The following SPTBN5 variants were observed in gnomAD, a reference collection of about 807,000 sequenced individuals.
SPTBN5 encodes the protein spectrin beta, non-erythrocytic 5, also known as spectrin beta chain, non-erythrocytic 5.
Under a neutral mutation model 477.6 loss-of-function variants are expected in SPTBN5, and 513 were observed. The observed-to-expected ratio is 1.07, with a 90% confidence interval of 1.00 to 1.16. SPTBN5 has a LOEUF of 1.16. SPTBN5 is among the 50% of genes most tolerant of loss of function. The pLI is 0.00. For synonymous variants in SPTBN5, 2,169 were observed against 2,011.7 expected (o/e 1.08, Z -2.09); for missense variants, 5,062 against 4,731.8 (o/e 1.07, Z -2.05).
intron 38 of SPTBN5, 44 bp downstream of exon 38, chr15:41,865,994 G>A (rs2066294046): frequency 1.3e-6 from 2 of 1,546,924 alleles, no homozygotes; most frequent in Non-Finnish European, 1.7e-6. Flanking sequence ...TCAAGGGAGG[G>A]CTCCTCCCCC....
rs78623039 is a variant in SPTBN5, at chr15:41,863,773, G to A, written c.7080C>T (p.Leu2360=). The A allele has an allele frequency of 8.1e-4, 1,312 of 1,613,774 alleles. 10 individuals are homozygous for A. In the African/African-American group the frequency reaches 0.015, roughly 19 times the overall value. Residue 2360 remains leucine, a synonymous_variant, in exon 41 of 68, where the codon CTC becomes CTT. Transcript: ENST00000320955. The part of the protein sequence containing the change: ...HGNLLRYQQQ[L]EGALEIHVLS... ...ACACGTGTATCTCCAAGGCCCCTTC[G>A]AGCTGCTGCTGGTACCGGAGCAAGT...
chr15:41,888,718 C>T (rs2067227408), intron 4 of SPTBN5, among the ~76,000 whole-genome samples: 1 of 152,238 alleles, frequency 6.6e-6, no homozygotes, highest in South Asian at 2.1e-4. Context: ...GCCTTGGCCT[C>T]CCAAAGTGCT....
At chr15:41,873,639 G>A in intron 25 of SPTBN5, 31 bp from the exon 26 acceptor site, 1 of 1,531,024 alleles carries the variant, frequency 6.5e-7, no homozygotes, top group Non-Finnish European at 8.8e-7. Flanking sequence ...TCACCTGGAG[G>A]ATCTCAGACA....
chr15:41,859,029 T>G, intron 47 of SPTBN5, 49 bp from the exon 48 acceptor site: 1 of 1,421,816 alleles, frequency 7.0e-7, no homozygotes, highest in Non-Finnish European at 9.3e-7. Context: ...CGGGGCCAGG[T>G]GGGGTGCCCG....
Position 41,867,090 on chromosome 15 carries a change from G to A in SPTBN5, c.6349C>T (p.Arg2117Cys), listed in dbSNP as rs539807260. ...GGAAGCCGGTCCCGCACCCGGGGGCGCCGGAGCGTCTTCAGCCGCTCACGC... is the reference window on the plus strand; with the variant it reads ...GGAAGCCGGTCCCGCACCCGGGGGCACCGGAGCGTCTTCAGCCGCTCACGC... ...ALRERLKTLR[R>C]PRVRDRLPIL... Residue 2117 changes from arginine to cysteine, a missense_variant, in exon 36 of 68, where the codon CGC (arginine) becomes TGC (cysteine). Transcript: ENST00000320955. The A allele has an allele frequency of 1.7e-4, 258 of 1,544,528 alleles. 2 individuals carry two copies. The South Asian group carries it at 2.6e-3, about 16-fold the overall frequency.
Position 41,868,386 on chromosome 15 carries a change from G to GCT in SPTBN5, c.6057+11_6057+12insAG. 1.3e-6 allele frequency: 2 copies of GCT among 1,595,128 alleles called. No homozygotes were observed. The highest frequency in any genetic ancestry group is 1.7e-6 in the Non-Finnish European group (2 of 1,169,546). On this transcript the variant is annotated intron_variant, in intron 33 of 67. Coordinates refer to ENST00000320955, the MANE Select transcript of SPTBN5 (RefSeq NM_016642.4). ...GCTAGGGTATGTGGGGGCACCAGGGGAGGGGGCCCACCTCCTTGGTGGGTG... is the reference window on the plus strand; with the variant it reads ...GCTAGGGTATGTGGGGGCACCAGGGGCTAGGGGGCCCACCTCCTTGGTGGGTG...
At chr15:41,854,475 G>A (rs369326543) in intron 56 of SPTBN5, among the ~76,000 whole-genome samples, 1 of 152,090 alleles carries the variant, frequency 6.6e-6, no homozygotes, top group South Asian at 2.1e-4. Flanking sequence ...TTGGGTCCAC[G>A]TGAGGGAGCA....
At chr15:41,874,626 C>A in intron 23 of SPTBN5, 148 bp from the exon 24 acceptor site, 2 of 851,216 alleles carry the variant, frequency 2.3e-6, no homozygotes, top group Non-Finnish European at 1.8e-6. Flanking sequence ...AGTGGAAGGG[C>A]GCCAGGGCCC....
Position 41,876,240 on chromosome 15 carries a change from C to T in SPTBN5, c.3996G>A (p.Glu1332=). The T allele has an allele frequency of 6.3e-7, 1 of 1,598,250 alleles. No homozygotes were observed. Among genetic ancestry groups the T allele is most frequent in the Non-Finnish European group, 8.5e-7 (1 of 1,175,310 alleles). ...GCTCATGCGCAGCCATCAGCCCCTT[C>T]TCTTCCATCCACTGCATCAGCTCTG... ...DVAELMQWME[E]KGLMAAHEPS... is the part of the protein sequence containing the mutation. The change falls in exon 21 of 68, where the codon GAG becomes GAA. Residue 1332 remains glutamate (E), a synonymous_variant. Coordinates refer to ENST00000320955, the MANE Select transcript of SPTBN5 (RefSeq NM_016642.4).
At position 41,885,986 on chromosome 15, in the gene SPTBN5, C is replaced by A; in HGVS notation, c.1269G>T (p.Arg423=). 6.5e-7 allele frequency: 1 copy of A among 1,548,286 alleles called. No homozygotes were observed. Among genetic ancestry groups the A allele is most frequent in the Admixed American group, 2.0e-5 (1 of 49,228 alleles). The part of the protein sequence containing the change: ...ALQQRLLQLQ[R]LETLARRFQH... Reference sequence around the variant, plus strand: ...GGAAGCGCCGGGCCAGGGTTTCTAGCCGCTGCAGCTGCAGTAGCCTCTGCT... The same window carrying A: ...GGAAGCGCCGGGCCAGGGTTTCTAGACGCTGCAGCTGCAGTAGCCTCTGCT... The change falls in exon 7 of 68, where the codon CGG becomes CGT. Residue 423 remains arginine, a synonymous_variant. Transcript: ENST00000320955.
In SPTBN5 at chr15:41,850,193, C is replaced by T. The variant is rs536451764; in HGVS notation, c.10922-234G>A. 16 of 538,716 alleles carry T rather than the reference C, an allele frequency of 3.0e-5. No homozygotes were observed. The African/African-American group carries it at 3.0e-4, about 10-fold the overall frequency. 33.4% of individuals were successfully genotyped at this position (538,716 alleles called of 1,614,324 possible). ...CACAGGTGAGTTAAGAAAGGCTGAG[C>T]CTTTCTTAGGAGGTGGGAAATTCTG... On this transcript the variant is annotated intron_variant, in intron 66 of 67. Coordinates refer to ENST00000320955, the MANE Select transcript of SPTBN5 (RefSeq NM_016642.4).
rs759010583 is a variant in SPTBN5, at chr15:41,866,062, A to G, written c.6798T>C (p.Leu2266=). The change falls in exon 38 of 68, where the codon CTT becomes CTC. Residue 2266 remains leucine, a synonymous_variant. Transcript: ENST00000320955. The part of the protein sequence containing the change: ...NFLEFLQRVD[L]AEAWIQEKEV... Reference sequence around the variant, plus strand: ...CCTTCTCCTGGATCCAGGCCTCTGCAAGGTCCACTCTCTGCAGGAACTCCA... The same window carrying G: ...CCTTCTCCTGGATCCAGGCCTCTGCGAGGTCCACTCTCTGCAGGAACTCCA... 9 of 1,555,760 alleles carry G rather than the reference A, an allele frequency of 5.8e-6. No individual in the cohort carries two copies. The highest frequency in any genetic ancestry group is 7.8e-6 in the Non-Finnish European group (9 of 1,150,118).
rs1464057503 is a variant in SPTBN5 at position 41,868,179 on chromosome 15, G to A, written c.6097C>T (p.Gln2033Ter). 3.8e-6 allele frequency: 6 copies of A among 1,582,664 alleles called. No homozygotes were observed. In the African/African-American group the frequency reaches 8.1e-5, roughly 21 times the overall value. The change falls in exon 34 of 68, where the codon CAG becomes TAG. Residue 2033 changes from glutamine to a stop codon, truncating the protein, a stop_gained. Transcript: ENST00000320955. LOFTEE classifies it high-confidence loss of function. The stretch of plus-strand genomic sequence containing the variant: ...TTCCGTGCCCAGGTCTGATACACCT[G>A]GTCCCGCTGGTCCTGCAGGGCTCGA... ...ELRALQDQRD[Q>*]VYQTWARKQE... is the part of the protein sequence containing the mutation.
At chr15:41,884,122 A>G (rs1249358991) in intron 7 of SPTBN5, among the ~76,000 whole-genome samples, 2 of 152,160 alleles carry the variant, frequency 1.3e-5, no homozygotes, top group African/African-American at 4.8e-5. Context: ...AGTAGCTGGG[A>G]CTACAGGTGC....
In SPTBN5 at chr15:41,868,476, C is replaced by T; in HGVS notation, c.5979G>A (p.Glu1993=). ...SAHQWLRAEL[E]AREKLWQQAT... ...CCTGCTGCCACAGCTTCTCCCGGGC[C>T]TCCAGCTCCGCCCGGAGCCACTGGT... is the stretch of plus-strand genomic sequence containing the variant. The change falls in exon 33 of 68, where the codon GAG becomes GAA. Residue 1993 remains glutamate, a synonymous_variant. Transcript: ENST00000320955. 1.9e-6 allele frequency: 3 copies of T among 1,611,560 alleles called. No homozygotes were observed. The highest frequency in any genetic ancestry group is 1.7e-6 in the Non-Finnish European group (2 of 1,179,382).
chr15:41,853,752 C>G lies in SPTBN5; in HGVS notation c.9810G>C (p.Arg3270=). ...ELEAMEKEVA[R]LQTEACRLGQ... is the part of the protein sequence containing the mutation. ...CCAGTCGGCAGGCCTCCGTCTGTAG[C>G]CGTGCCACCTCCTTCTCCATAGCTT... The change falls in exon 58 of 68, where the codon CGG becomes CGC. Residue 3270 remains arginine (R), a synonymous_variant. Coordinates refer to ENST00000320955, the MANE Select transcript of SPTBN5 (RefSeq NM_016642.4). 1 of 1,579,014 alleles carries G rather than the reference C, an allele frequency of 6.3e-7. No homozygotes were observed. Among genetic ancestry groups the G allele is most frequent in the South Asian group, 1.2e-5 (1 of 86,792 alleles).
At position 41,861,701 on chromosome 15, in the gene SPTBN5, G is replaced by A. The variant is rs371639329; in HGVS notation, c.7737+34C>T. ...GTCAGCGCAGGCCCTGTTCGGGGGG[G>A]CAAGATGCAGGCTGGGGATGGGACT... On this transcript the variant is annotated intron_variant, in intron 45 of 67. Coordinates refer to ENST00000320955, the MANE Select transcript of SPTBN5 (RefSeq NM_016642.4). 28 of 1,521,408 alleles carry A rather than the reference G, an allele frequency of 1.8e-5. No individual in the cohort carries two copies. The African/African-American group carries it at 1.9e-4, about 10-fold the overall frequency. 94.2% of individuals were successfully genotyped at this position (1,521,408 alleles called of 1,614,324 possible).
Position 41,887,373 on chromosome 15 carries a change from A to C in SPTBN5, c.728T>G (p.Leu243Arg). The C allele has an allele frequency of 2.6e-6, 4 of 1,553,860 alleles. No homozygotes were observed. Among genetic ancestry groups the C allele is most frequent in the Non-Finnish European group, 3.5e-6 (4 of 1,148,620 alleles). The change falls in exon 6 of 68, where the codon CTG (leucine) becomes CGG (arginine). Residue 243 changes from leucine to arginine, a missense_variant. Transcript: ENST00000320955. ...RPLHNLAFAF[L>R]VAEQELGIAQ... Reference sequence around the variant, plus strand: ...AATGCCCAGCTCCTGCTCAGCCACCAGGAAAGCAAAAGCAAGGTTGTGCAG... The same window carrying C: ...AATGCCCAGCTCCTGCTCAGCCACCCGGAAAGCAAAAGCAAGGTTGTGCAG...
At position 41,870,572 on chromosome 15, in the gene SPTBN5, G is replaced by A. The variant is rs374505791; in HGVS notation, c.5448-12C>T. On this transcript the variant is annotated splice_polypyrimidine_tract_variant and intron_variant, in intron 29 of 67. Coordinates refer to ENST00000320955, the MANE Select transcript of SPTBN5 (RefSeq NM_016642.4). ...CCGACCAGGCGGTCCTGCCCACGGC[G>A]TGTGGAAGACCAGCCGGGGATCAGC... is the stretch of plus-strand genomic sequence containing the variant. The A allele has an allele frequency of 6.9e-6, 11 of 1,601,200 alleles. No homozygotes were observed. The highest frequency in any genetic ancestry group is 2.2e-5 in the East Asian group (1 of 44,774).
Sources: allele counts gnomAD v4.1 joint callset (sites outside exome capture counted in the v4.1 genomes callset), GRCh38; gene constraint gnomAD v4.1.1; transcripts MANE v1.5; gene names NCBI Gene and HGNC (gene_info 2026-07-23, HGNC 2026-07-21).